Variants in TUBGCP3 observed in about 807,000 individuals in gnomAD.
TUBGCP3 encodes the protein tubulin gamma complex component 3.
Under a neutral mutation model 123.1 loss-of-function variants are expected in TUBGCP3, and 50 were observed. The ratio of observed to expected loss-of-function variants is 0.41; its 90% CI spans 0.32 to 0.51. The LOEUF is 0.51. TUBGCP3 is among the 20% of genes least tolerant of loss of function. The pLI is 0.36. For missense variants in TUBGCP3, 882 were observed against 1,127.0 expected, an observed-to-expected ratio of 0.78 and a Z score of 3.11; for synonymous variants, 405 against 413.9, an observed-to-expected ratio of 0.98 and a Z score of 0.26.
intron 16 of TUBGCP3, among the ~76,000 whole-genome samples, chr13:112,518,210 G>A (rs940321433): frequency 6.6e-6 from 1 of 152,126 alleles, no homozygotes; most frequent in African/African-American, 2.4e-5. Flanking sequence ...TGCAATTATT[G>A]CAGCAGCGTG....
At chr13:112,544,336 CA>C (rs779689353) in intron 11 of TUBGCP3, among the ~76,000 whole-genome samples, 54 of 151,314 alleles carry the variant, frequency 3.6e-4, no homozygotes, top group Admixed American at 5.3e-4. Context: ...CCTGTAGTCC[CA>C]AGCTACCTGG....
intron 12 of TUBGCP3, 41 bp downstream of exon 12, chr13:112,527,333 C>T (rs760959715): frequency 7.3e-7 from 1 of 1,363,210 alleles, no homozygotes; most frequent in Non-Finnish European, 1.0e-6. Context: ...GTATACATAG[C>T]CATAAAACAT....
chr13:112,488,557 C>T (rs1353350262), intron 21 of TUBGCP3, among the ~76,000 whole-genome samples: 2 of 152,188 alleles, frequency 1.3e-5, no homozygotes, highest in African/African-American at 2.4e-5. Context: ...GCTACAGAGA[C>T]GCCTGCAGGT....
At chr13:112,523,438 A>C (rs1171278826) in intron 13 of TUBGCP3, among the ~76,000 whole-genome samples, 1 of 152,194 alleles carries the variant, frequency 6.6e-6, no homozygotes, top group Non-Finnish European at 1.5e-5. Flanking sequence ...TATTATTCCA[A>C]TTTCACACTA....
chr13:112,576,533 G>A (rs1255571808), intron 1 of TUBGCP3, among the ~76,000 whole-genome samples: 1 of 152,096 alleles, frequency 6.6e-6, no homozygotes, highest in East Asian at 1.9e-4. Context: ...GTACTGAGGT[G>A]AGCTGACGAA....
In TUBGCP3 at chr13:112,526,923, C is replaced by A; in HGVS notation, c.1555+19G>T. On this transcript the variant is annotated intron_variant, in intron 13 of 21. Transcript: ENST00000261965. ...ATCACACCATTGCCATCATCACCAC[C>A]CCACCAGCATCATCATACCGTCCTG... 1 of 1,572,336 alleles carries A rather than the reference C, an allele frequency of 6.4e-7. No homozygotes were observed.
At chr13:112,513,570 C>A (rs1286573789) in intron 17 of TUBGCP3, among the ~76,000 whole-genome samples, 1 of 152,210 alleles carries the variant, frequency 6.6e-6, no homozygotes, top group Non-Finnish European at 1.5e-5. Context: ...CCATACAAGG[C>A]CCCGTGGCAG....
chr13:112,580,982 C>A (rs111390767), intron 1 of TUBGCP3, among the ~76,000 whole-genome samples: 215 of 152,258 alleles, frequency 1.4e-3, no homozygotes, highest in African/African-American at 5.0e-3. Context: ...ATCCACCCAG[C>A]AGTCAAAGTG....
chr13:112,549,989 CAAAAAAAAAAAAAAAAA>C (rs750596642), intron 8 of TUBGCP3, among the ~76,000 whole-genome samples: 1 of 40,202 alleles, frequency 2.5e-5, no homozygotes, highest in Admixed American at 4.0e-4. Flanking sequence ...GACTCCATCT[CAAAAAAAAAAAAAAAAA>C]AAAAAAAAAA....
rs1016510009 is a variant in TUBGCP3 at position 112,508,146 on chromosome 13, C to T, written c.2087-3432G>A. 2.0e-5 allele frequency among the ~76,000 whole-genome samples: 3 copies of T among 152,144 alleles called. No homozygotes were observed. The highest frequency in any genetic ancestry group is 7.2e-5 in the African/African-American group (3 of 41,438). ...GCCCCACCAGGTTTGCATTGCTTCGCTGTCATGGCTTTGGCTCTGCCTGTA... is the reference window on the plus strand; with the variant it reads ...GCCCCACCAGGTTTGCATTGCTTCGTTGTCATGGCTTTGGCTCTGCCTGTA... On this transcript the variant is annotated intron_variant, in intron 17 of 21. Coordinates refer to ENST00000261965, the MANE Select transcript of TUBGCP3 (RefSeq NM_006322.6). The surrounding 1 kb of genome is among the most constrained non-coding windows in gnomAD (Gnocchi z 4.2).
chr13:112,597,886 A>G, the TUBGCP3 span, among the ~76,000 whole-genome samples: 1 of 152,174 alleles, frequency 6.6e-6, no homozygotes, highest in Non-Finnish European at 1.5e-5. Flanking sequence ...TGTCAGAGAC[A>G]ATAACTGAAG....
At chr13:112,573,496 A>G (rs1881575622) in intron 1 of TUBGCP3, among the ~76,000 whole-genome samples, 5 of 152,256 alleles carry the variant, frequency 3.3e-5, no homozygotes. Context: ...TGGAAGTTAC[A>G]TGGTTCACAG....
At chr13:112,571,525 C>T (rs1450800558) in intron 1 of TUBGCP3, among the ~76,000 whole-genome samples, 2 of 152,132 alleles carry the variant, frequency 1.3e-5, no homozygotes, top group African/African-American at 4.8e-5. Context: ...CTCCTAAGGG[C>T]CCCAGGATTT....
rs1369187636 is a variant in TUBGCP3 at position 112,516,565 on chromosome 13, C to T, written c.1961G>A (p.Arg654Gln). 3 of 1,613,056 alleles carry T rather than the reference C, an allele frequency of 1.9e-6. No individual in the cohort carries two copies. Among genetic ancestry groups the T allele is most frequent in the Non-Finnish European group, 1.7e-6 (2 of 1,179,628 alleles). Reference sequence around the variant, plus strand: ...TCTTAGGTAGTGGCTCATACATTCTCGAGTAAACACCTGGGATAACAGCAG... The same window carrying T: ...TCTTAGGTAGTGGCTCATACATTCTTGAGTAAACACCTGGGATAACAGCAG... ...VDGPIATVFT[R>Q]ECMSHYLRVF... is the part of the protein sequence containing the mutation. The change falls in exon 17 of 22, where the codon CGA (arginine) becomes CAA (glutamine). Residue 654 changes from arginine to glutamine, a missense_variant. Physicochemically the swap from Arg to Gln is conservative, Grantham distance 43 (BLOSUM62 1). Around this residue, in one of 3 missense-constraint regions of TUBGCP3, gnomAD observed 713 missense variants for 874.0 expected, o/e 0.82. Coordinates refer to ENST00000261965, the MANE Select transcript of TUBGCP3 (RefSeq NM_006322.6).
At chr13:112,501,872 G>A (rs1880929624) in intron 19 of TUBGCP3, among the ~76,000 whole-genome samples, 1 of 152,162 alleles carries the variant, frequency 6.6e-6, no homozygotes, top group Admixed American at 6.5e-5. Context: ...TTCTCCCCCG[G>A]ATAGGGTTCT....
rs1876380316 is a variant in TUBGCP3, at chr13:112,518,853, G to A, written c.1950+122C>T. The stretch of plus-strand genomic sequence containing the variant: ...GGCTTAAGTATTCATTCAATGAGTA[G>A]ATCTTAGATGTCGAGTGATCACTTG... On this transcript the variant is annotated intron_variant, in intron 16 of 21. Coordinates refer to ENST00000261965, the MANE Select transcript of TUBGCP3 (RefSeq NM_006322.6). 1.3e-5 allele frequency: 10 copies of A among 799,808 alleles called. 1 individual carries two copies. The South Asian group carries it at 1.6e-4, about 13-fold the overall frequency. The allele number at this position is 799,808 out of a possible 1,614,324, so 49.5% of individuals were successfully genotyped here.
rs2139031896 is a variant in TUBGCP3, at chr13:112,511,922, C to T, written c.2086+4518G>A. On this transcript the variant is annotated intron_variant, in intron 17 of 21. Coordinates refer to ENST00000261965, the MANE Select transcript of TUBGCP3 (RefSeq NM_006322.6). This position sits in a 1 kb window ranked among gnomAD's most constrained non-coding sequence, Gnocchi z 4.1. ...ATTTCCACAGCCAGACACTGCTCTC[C>T]AATACCTACACAAGGAAGCACTTAC... 6.6e-6 allele frequency among the ~76,000 whole-genome samples: 1 copy of T among 152,274 alleles called. No individual in the cohort carries two copies. The highest frequency in any genetic ancestry group is 1.9e-4 in the East Asian group (1 of 5,186).
chr13:112,546,214 C>T (rs1214890285), intron 10 of TUBGCP3: 2 of 212,482 alleles, frequency 9.4e-6, no homozygotes, highest in African/African-American at 4.5e-5. Flanking sequence ...AAGATTCACG[C>T]TTCATGGTGC....
At chr13:112,590,125 C>A (rs989973906), upstream of TUBGCP3, among the ~76,000 whole-genome samples, 1 of 151,996 alleles carries the variant, frequency 6.6e-6, no homozygotes, top group African/African-American at 2.4e-5. Flanking sequence ...TACAGGCACC[C>A]GCCACCATGC....
Sources: allele counts gnomAD v4.1 joint callset (sites outside exome capture counted in the v4.1 genomes callset), GRCh38; gene constraint gnomAD v4.1.1; regional missense constraint gnomAD v4.1.1; non-coding constraint Gnocchi (gnomAD v3.1); transcripts MANE v1.5; gene names NCBI Gene and HGNC (gene_info 2026-07-23, HGNC 2026-07-21).